TRDN: variants seen among roughly 807,000 people sequenced by gnomAD.
TRDN encodes triadin.
In TRDN, 161 loss-of-function variants were observed where a neutral mutation model predicts 149.7. The ratio of observed to expected loss-of-function variants is 1.08; its 90% CI spans 0.95 to 1.23. TRDN has a LOEUF of 1.23. TRDN is among the 50% of genes most tolerant of loss of function. The pLI, the probability that TRDN is intolerant of heterozygous loss-of-function variation, is 0.00. For missense variants in TRDN, 896 were observed against 823.5 expected (o/e 1.09, Z -1.08); for synonymous variants, 294 against 250.5 (o/e 1.17, Z -1.64).
At chr6:123,292,118 T>C (rs1778031440) in intron 24 of TRDN, among the ~76,000 whole-genome samples, 1 of 152,152 alleles carries the variant, frequency 6.6e-6, no homozygotes, top group Non-Finnish European at 1.5e-5. Context: ...GGATCTTGAT[T>C]TTTGTTTTGT....
At chr6:123,569,747 C>G (rs899361524) in intron 2 of TRDN, among the ~76,000 whole-genome samples, 2 of 151,958 alleles carry the variant, frequency 1.3e-5, no homozygotes, top group African/African-American at 4.8e-5. Context: ...CTTAAACAAC[C>G]AGATCTCATG....
At position 123,379,999 on chromosome 6, in the gene TRDN, C is replaced by A. The variant is rs559205048; in HGVS notation, c.1186+1371G>T. 5.9e-5 allele frequency among the ~76,000 whole-genome samples: 9 copies of A among 152,056 alleles called. No individual in the cohort carries two copies. In the South Asian group the frequency reaches 1.7e-3, roughly 28 times the overall value. On this transcript the variant is annotated intron_variant, in intron 16 of 40. Transcript: ENST00000334268. The stretch of plus-strand genomic sequence containing the variant: ...GTGTACCATCGAGTAAAGCAACCCT[C>A]AAGATAAAAAATCCAAATCAAAGAA...
At chr6:123,382,008 T>G in intron 15 of TRDN, 110 bp downstream of exon 15, 1 of 746,742 alleles carries the variant, frequency 1.3e-6, no homozygotes, top group Non-Finnish European at 1.9e-6. Flanking sequence ...TCATTTTTTC[T>G]TCTCCTCTAT....
chr6:123,235,651 C>T (rs1194682169), intron 38 of TRDN, among the ~76,000 whole-genome samples: 10 of 152,058 alleles, frequency 6.6e-5, no homozygotes, highest in Non-Finnish European at 1.3e-4. Context: ...TTTTAAGACA[C>T]GTATAGATGT....
chr6:123,261,501 A>G (rs1470261574), intron 33 of TRDN, among the ~76,000 whole-genome samples: 1 of 151,738 alleles, frequency 6.6e-6, no homozygotes, highest in African/African-American at 2.4e-5. Flanking sequence ...TAACCTGGAA[A>G]GTTTTTTTTA....
chr6:123,263,168 C>CACATAAATGCTA (rs1776829978), intron 33 of TRDN, among the ~76,000 whole-genome samples: 1 of 151,940 alleles, frequency 6.6e-6, no homozygotes, highest in Non-Finnish European at 1.5e-5. Flanking sequence ...CTCCAGTGAC[C>CACATAAATGCTA]ACATAAATGC....
intron 12 of TRDN, among the ~76,000 whole-genome samples, chr6:123,425,232 GGTGTGTGTGTGTGTGTGTGTGT>G (rs60065532): frequency 1.4e-5 from 2 of 138,718 alleles, no homozygotes; most frequent in African/African-American, 2.7e-5. Context: ...CAGAGGTAGA[GGTGTGTGTGTGTGTGTGTGTGT>G]GTGTGTGTGT....
intron 12 of TRDN, among the ~76,000 whole-genome samples, chr6:123,416,910 C>T (rs1241933113): frequency 6.6e-6 from 1 of 152,160 alleles, no homozygotes; most frequent in African/African-American, 2.4e-5. Context: ...ACCATATTGG[C>T]CAGGCTGGAC....
At chr6:123,317,193 C>G (rs1327215402) in intron 23 of TRDN, among the ~76,000 whole-genome samples, 1 of 151,764 alleles carries the variant, frequency 6.6e-6, no homozygotes. Context: ...ACTATATTTT[C>G]ATGTTTCCAG....
rs773614569 is a variant in TRDN at position 123,598,484 on chromosome 6, T to C, written c.23-27352A>G. On this transcript the variant is annotated intron_variant, in intron 1 of 40. Coordinates refer to ENST00000334268, the MANE Select transcript of TRDN (RefSeq NM_006073.4). ...CCATTACTCATCCCTTCTAGTTGTA[T>C]ACTCCAGCAAACCCAAAACCTGTGT... is the stretch of plus-strand genomic sequence containing the variant. Among the ~76,000 whole-genome samples, 3 of 152,212 alleles carry C rather than the reference T, an allele frequency of 2.0e-5. No individual in the cohort carries two copies. In the South Asian group the frequency reaches 6.2e-4, roughly 32 times the overall value.
intron 38 of TRDN, among the ~76,000 whole-genome samples, chr6:123,250,281 G>A (rs528331041): frequency 6.6e-6 from 1 of 152,124 alleles, no homozygotes; most frequent in East Asian, 1.9e-4. Context: ...CACTAGAGTG[G>A]AGTTAGGGGA....
rs1266087726 is a variant in TRDN, at chr6:123,498,496, T to C, written c.794-1244A>G. 3 of 469,520 alleles carry C rather than the reference T, an allele frequency of 6.4e-6. No individual in the cohort carries two copies. The Admixed American group carries it at 7.0e-5, about 11-fold the overall frequency. 29.1% of individuals were successfully genotyped at this position (469,520 alleles called of 1,614,324 possible). Reference sequence around the variant, plus strand: ...TCATAAAGTTCCAAAAATTTAGATGTATTTTAGTTGTTGAAATTGGAGCAC... The same window carrying C: ...TCATAAAGTTCCAAAAATTTAGATGCATTTTAGTTGTTGAAATTGGAGCAC... On this transcript the variant is annotated intron_variant, in intron 8 of 40. Transcript: ENST00000334268.
intron 12 of TRDN, among the ~76,000 whole-genome samples, chr6:123,394,889 G>A (rs1772655540): frequency 6.6e-6 from 1 of 152,016 alleles, no homozygotes; most frequent in South Asian, 2.1e-4. Flanking sequence ...CTGCATGCAT[G>A]CTAGTACCAT....
chr6:123,472,723 A>T (rs1295727795), intron 9 of TRDN, among the ~76,000 whole-genome samples: 2 of 152,190 alleles, frequency 1.3e-5, no homozygotes, highest in Non-Finnish European at 2.9e-5. Flanking sequence ...CCCAGCACGC[A>T]GCTGGAGATC....
At chr6:123,455,406 C>CTGTG (rs71751722) in intron 10 of TRDN, among the ~76,000 whole-genome samples, 3,151 of 145,694 alleles carry the variant, frequency 0.022, 50 homozygotes, top group African/African-American at 0.043. Context: ...AAGGCAACCA[C>CTGTG]TGTGTGTGTG....
At chr6:123,356,694 A>C (rs1780698344) in intron 20 of TRDN, among the ~76,000 whole-genome samples, 1 of 150,268 alleles carries the variant, frequency 6.7e-6, no homozygotes. Context: ...TTCACCAGTG[A>C]AACCATCTGG....
chr6:123,428,278 G>T (rs1284102285), intron 12 of TRDN, among the ~76,000 whole-genome samples: 1 of 152,088 alleles, frequency 6.6e-6, no homozygotes, highest in African/African-American at 2.4e-5. Context: ...TTCAGGAATG[G>T]GCCTATGAAG....
Position 123,596,219 on chromosome 6 carries a change from A to G in TRDN, c.23-25087T>C, listed in dbSNP as rs115774317. ...CTGAATAGATCAAACCAACCAAAAC[A>G]CTCCCTTCAGCCAAAGCCTAATCCA... On this transcript the variant is annotated intron_variant, in intron 1 of 40. Transcript: ENST00000334268. Among the ~76,000 whole-genome samples the G allele has an allele frequency of 2.9e-3, 435 of 151,858 alleles. 4 individuals are homozygous for G. The highest frequency in any genetic ancestry group is 0.01 in the African/African-American group (427 of 41,436).
intron 1 of TRDN, among the ~76,000 whole-genome samples, chr6:123,598,336 T>C (rs969343265): frequency 1.3e-5 from 2 of 152,006 alleles, no homozygotes; most frequent in African/African-American, 4.8e-5. Context: ...GAAGCAAAAA[T>C]AACAGATCGT....
Sources: gnomAD v4.1 joint callset for allele counts (sites outside exome capture counted in the v4.1 genomes callset) on GRCh38, gnomAD v4.1.1 for gene constraint, MANE v1.5 for transcripts, NCBI Gene and HGNC (gene_info 2026-07-23, HGNC 2026-07-21) for gene names.